RBFOX1: variants seen among roughly 807,000 people sequenced by gnomAD.
The protein encoded by RBFOX1 is RNA binding fox-1 homolog 1.
In RBFOX1, 8 loss-of-function variants were observed where a neutral mutation model predicts 57.7. The ratio of observed to expected loss-of-function variants is 0.14; its 90% CI spans 0.08 to 0.25. RBFOX1 has a LOEUF of 0.25. Ranked by LOEUF, RBFOX1 falls within the 10% of genes least tolerant of loss-of-function variation. RBFOX1 has a pLI of 1.00. For missense variants in RBFOX1, 611 were observed against 548.5 expected (o/e 1.11, Z -1.14); for synonymous variants, 326 against 222.4 (o/e 1.47, Z -4.15).
At chr16:5,357,096 C>G (rs1338271652) in intron 1 of RBFOX1, among the ~76,000 whole-genome samples, 1 of 152,206 alleles carries the variant, frequency 6.6e-6, no homozygotes, top group African/African-American at 2.4e-5. Context: ...CTGCTCTTAA[C>G]TGGCAAAATG....
intron 4 of RBFOX1, among the ~76,000 whole-genome samples, chr16:7,477,970 C>G (rs1006054626): frequency 1.3e-5 from 2 of 152,274 alleles, no homozygotes; most frequent in African/African-American, 4.8e-5. Context: ...GAGACTTTGA[C>G]TTTGATTCAT....
chr16:6,297,861 A>T (rs977456834), intron 1 of RBFOX1, among the ~76,000 whole-genome samples: 5 of 152,154 alleles, frequency 3.3e-5, no homozygotes, highest in Non-Finnish European at 5.9e-5. Context: ...ACGCCAGAGG[A>T]AGATCATCTT....
chr16:5,342,707 A>C (rs550332097), intron 1 of RBFOX1, among the ~76,000 whole-genome samples: 81 of 152,232 alleles, frequency 5.3e-4, no homozygotes, highest in African/African-American at 1.9e-3. Context: ...GCAGTCTCCT[A>C]CCTGTACCCC....
At chr16:7,142,210 G>A (rs966703314) in intron 4 of RBFOX1, among the ~76,000 whole-genome samples, 9 of 152,060 alleles carry the variant, frequency 5.9e-5, no homozygotes, top group African/African-American at 2.2e-4. Context: ...GTTTTGTAAA[G>A]ATGGGGTTTC....
chr16:5,960,350 C>T (rs988501168), intron 4 of RBFOX1, among the ~76,000 whole-genome samples: 4 of 152,244 alleles, frequency 2.6e-5, no homozygotes, highest in East Asian at 3.9e-4. Context: ...CACAGTCACA[C>T]GGATACGGAG....
At chr16:7,276,114 G>C (rs1264364913) in intron 4 of RBFOX1, among the ~76,000 whole-genome samples, 3 of 152,154 alleles carry the variant, frequency 2.0e-5, no homozygotes, top group African/African-American at 7.2e-5. Context: ...GACAAATCAG[G>C]CTTGTAGATT....
intron 4 of RBFOX1, among the ~76,000 whole-genome samples, chr16:7,479,960 G>A (rs2063542272): frequency 6.6e-6 from 1 of 152,194 alleles, no homozygotes; most frequent in Non-Finnish European, 1.5e-5. Context: ...AAAGGCAAAT[G>A]TTGGGGCTTG....
intron 3 of RBFOX1, among the ~76,000 whole-genome samples, chr16:5,707,482 C>G (rs1049620114): frequency 3.9e-5 from 6 of 152,164 alleles, no homozygotes; most frequent in South Asian, 2.1e-4. Context: ...ACTAAAGATG[C>G]CAGGTCCTAA....
At chr16:7,131,487 G>C (rs1298319875) in intron 4 of RBFOX1, among the ~76,000 whole-genome samples, 1 of 150,154 alleles carries the variant, frequency 6.7e-6, no homozygotes, top group African/African-American at 2.5e-5. Context: ...CCATTTTATA[G>C]TTGAGGGAAT....
chr16:5,658,483 G>A (rs1019852408), intron 3 of RBFOX1, among the ~76,000 whole-genome samples: 13 of 152,006 alleles, frequency 8.6e-5, no homozygotes, highest in African/African-American at 2.7e-4. Context: ...TCTTGACCCT[G>A]GAAAATGGCA....
chr16:7,519,780 T>C, intron 5 of RBFOX1: 2 of 914,590 alleles, frequency 2.2e-6, no homozygotes, highest in South Asian at 5.0e-5. Context: ...AAGGAGTTTA[T>C]GGCTTTGAAG....
intron 4 of RBFOX1, among the ~76,000 whole-genome samples, chr16:5,871,570 G>A (rs138034914): frequency 6.6e-6 from 1 of 152,116 alleles, no homozygotes; most frequent in Non-Finnish European, 1.5e-5. Flanking sequence ...CCTGCTGAGA[G>A]AGAACGAAGT....
intron 3 of RBFOX1, among the ~76,000 whole-genome samples, chr16:6,670,467 A>G (rs1472820050): frequency 6.6e-6 from 1 of 152,152 alleles, no homozygotes; most frequent in Non-Finnish European, 1.5e-5. Context: ...TTGCCCCATG[A>G]CTGGAATGTT....
intron 14 of RBFOX1, among the ~76,000 whole-genome samples, chr16:7,691,269 G>A (rs11642419): frequency 7.9e-5 from 12 of 151,636 alleles, no homozygotes; most frequent in Non-Finnish European, 1.6e-4. Context: ...TTTGAAGAGG[G>A]TGAGTTGTCA....
At chr16:6,924,908 A>G (rs961130952) in intron 3 of RBFOX1, among the ~76,000 whole-genome samples, 9 of 140,872 alleles carry the variant, frequency 6.4e-5, no homozygotes, top group East Asian at 2.1e-4. Context: ...TCATTGTTCA[A>G]TTCCTACCTA....
intron 2 of RBFOX1, among the ~76,000 whole-genome samples, chr16:5,594,694 A>T (rs969558280): frequency 1.3e-5 from 2 of 152,158 alleles, no homozygotes; most frequent in African/African-American, 4.8e-5. Flanking sequence ...CATTTATGTC[A>T]TTGAGCAGAG....
chr16:7,691,145 G>A (rs1162977977), intron 14 of RBFOX1, among the ~76,000 whole-genome samples: 7 of 151,938 alleles, frequency 4.6e-5, no homozygotes, highest in Non-Finnish European at 1.0e-4. Context: ...GAATGGATAC[G>A]TCAAAAAAAT....
At chr16:7,408,093 G>T (rs1385160098) in intron 4 of RBFOX1, among the ~76,000 whole-genome samples, 2 of 152,194 alleles carry the variant, frequency 1.3e-5, no homozygotes, top group African/African-American at 4.8e-5. Context: ...GGACAGAAAG[G>T]TTGATTAACC....
chr16:5,609,294 A>C (rs1308300536), intron 3 of RBFOX1, among the ~76,000 whole-genome samples: 1 of 152,172 alleles, frequency 6.6e-6, no homozygotes, highest in African/African-American at 2.4e-5. Context: ...CTGTATTTTA[A>C]ATGTGAATTT....
Sources: allele counts gnomAD v4.1 joint callset (sites outside exome capture counted in the v4.1 genomes callset), GRCh38; gene constraint gnomAD v4.1.1; transcripts MANE v1.5; gene names NCBI Gene and HGNC (gene_info 2026-07-23, HGNC 2026-07-21).